The following MROH9 variants were observed in gnomAD, a reference collection of about 807,000 sequenced individuals.
The protein encoded by MROH9 is maestro heat-like repeat-containing protein family member 9.
In MROH9, 92 loss-of-function variants were observed where a neutral mutation model predicts 98.2. The observed-to-expected ratio is 0.94, with a 90% CI of 0.79 to 1.11. MROH9 has a LOEUF of 1.11. Among genes scored for constraint, MROH9 ranks in the 50% most tolerant of loss-of-function variants. MROH9 has a pLI of 0.00. For synonymous variants in MROH9, 397 were observed against 368.9 expected (o/e 1.08, Z -0.87); for missense variants, 1,057 against 1,014.8 (o/e 1.04, Z -0.57).
At chr1:171,020,104 T>A (rs1652468711) in intron 17 of MROH9, among the ~76,000 whole-genome samples, 1 of 152,166 alleles carries the variant, frequency 6.6e-6, no homozygotes, top group Admixed American at 6.5e-5. Flanking sequence ...TAACAAGTTC[T>A]GAAATTGTGG....
chr1:170,991,875 GTTC>G (rs1651369189), intron 11 of MROH9, among the ~76,000 whole-genome samples: 1 of 152,166 alleles, frequency 6.6e-6, no homozygotes, highest in Non-Finnish European at 1.5e-5. Flanking sequence ...AAGCTGATCA[GTTC>G]TTGACAGTGA....
chr1:171,005,107 CA>C (rs1651911837), intron 15 of MROH9, among the ~76,000 whole-genome samples: 1 of 152,000 alleles, frequency 6.6e-6, no homozygotes, highest in South Asian at 2.1e-4. Context: ...CTGTGTTTCC[CA>C]GGCTGGAGTG....
chr1:171,017,251 G>T (rs1652354364), intron 17 of MROH9, among the ~76,000 whole-genome samples: 1 of 152,178 alleles, frequency 6.6e-6, no homozygotes, highest in Admixed American at 6.5e-5. Flanking sequence ...AGGTATCCAG[G>T]TTCTGTCATC....
intron 10 of MROH9, among the ~76,000 whole-genome samples, chr1:170,989,104 T>C (rs1392216197): frequency 6.6e-6 from 1 of 152,212 alleles, no homozygotes; most frequent in Non-Finnish European, 1.5e-5. Context: ...TGCAGGGTAA[T>C]GTAAATTTGC....
intron 3 of MROH9, among the ~76,000 whole-genome samples, chr1:170,948,687 T>C (rs1390307546): frequency 6.6e-6 from 1 of 152,102 alleles, no homozygotes; most frequent in Non-Finnish European, 1.5e-5. Context: ...GAAACTGTTA[T>C]AAGCTATGAA....
chr1:170,952,128 A>T (rs1282262413), intron 3 of MROH9, among the ~76,000 whole-genome samples: 4 of 152,014 alleles, frequency 2.6e-5, no homozygotes, highest in African/African-American at 7.2e-5. Flanking sequence ...GTGGAGAAAT[A>T]GGAACACTTT....
intron 16 of MROH9, chr1:171,015,168 G>C: frequency 7.1e-6 from 3 of 419,788 alleles, no homozygotes; most frequent in Non-Finnish European, 9.7e-6. Context: ...GAGAACTGAA[G>C]CCTATCAGTG....
intron 15 of MROH9, among the ~76,000 whole-genome samples, chr1:171,002,891 A>T (rs1197149760): frequency 6.6e-6 from 1 of 152,114 alleles, no homozygotes; most frequent in East Asian, 1.9e-4. Flanking sequence ...AATACCAATT[A>T]TTCTTAGGTT....
intron 15 of MROH9, among the ~76,000 whole-genome samples, chr1:171,012,628 A>G (rs1052628185): frequency 2.7e-5 from 4 of 148,242 alleles, no homozygotes; most frequent in African/African-American, 1.0e-4. Flanking sequence ...TCAGCCTCCC[A>G]AGTAGCTGGG....
At chr1:171,004,931 T>C (rs1462031007) in intron 15 of MROH9, among the ~76,000 whole-genome samples, 1 of 152,206 alleles carries the variant, frequency 6.6e-6, no homozygotes, top group Non-Finnish European at 1.5e-5. Context: ...TTATTGTTTT[T>C]CAAGATTATT....
chr1:171,005,036 A>G (rs1019055170), intron 15 of MROH9, among the ~76,000 whole-genome samples: 1 of 151,710 alleles, frequency 6.6e-6, no homozygotes, highest in Non-Finnish European at 1.5e-5. Context: ...TGAAGATTAC[A>G]TTGAATGTGT....
At chr1:171,024,300 T>TA in intron 17 of MROH9, 95 bp from the exon 18 acceptor site, 1 of 638,108 alleles carries the variant, frequency 1.6e-6, no homozygotes, top group East Asian at 3.2e-5. Context: ...TATATTTATA[T>TA]GGGGTGTGTG....
rs1652651902 is a variant in MROH9, at chr1:171,024,744, G to A, written c.2157G>A (p.Val719=). 2.6e-6 allele frequency: 4 copies of A among 1,547,438 alleles called. No individual in the cohort carries two copies. Among genetic ancestry groups the A allele is most frequent in the Non-Finnish European group, 3.5e-6 (4 of 1,143,420 alleles). The change falls in exon 19 of 22, where the codon GTG becomes GTA. Residue 719 remains valine, a synonymous_variant. Transcript: ENST00000367759. ...AAAATTACAGTTTTGAGATGGTGGT[G>A]CTCAATATCTGTAACAATCTTGTAA... ...KDENYSFEMV[V]LNICNNLIIS...
chr1:171,006,118 G>T (rs982530899), intron 15 of MROH9, among the ~76,000 whole-genome samples: 1 of 152,092 alleles, frequency 6.6e-6, no homozygotes. Context: ...AGGTCTCATG[G>T]TTGTAAACTC....
intron 11 of MROH9, among the ~76,000 whole-genome samples, chr1:170,990,467 A>C (rs980701181): frequency 6.6e-6 from 1 of 152,200 alleles, no homozygotes; most frequent in Admixed American, 6.5e-5. Context: ...GTGTCCTTTA[A>C]CTATTAGACT....
chr1:170,960,467 G>T (rs891969458), intron 5 of MROH9, among the ~76,000 whole-genome samples: 3 of 152,096 alleles, frequency 2.0e-5, no homozygotes, highest in Non-Finnish European at 2.9e-5. Context: ...AATGCCCCAT[G>T]TTTATTAATG....
At chr1:170,962,009 T>C (rs1264009467) in intron 6 of MROH9, 33 bp downstream of exon 6, 2 of 1,236,002 alleles carry the variant, frequency 1.6e-6, no homozygotes, top group Non-Finnish European at 2.3e-6. Flanking sequence ...AATTTTCTTG[T>C]CATAAGTCTA....
At chr1:170,957,536 G>GT (rs910270772) in intron 3 of MROH9, among the ~76,000 whole-genome samples, 1 of 152,036 alleles carries the variant, frequency 6.6e-6, no homozygotes, top group African/African-American at 2.4e-5. Flanking sequence ...CTATGAGTCT[G>GT]TTTTTATAGC....
At chr1:171,034,738 G>A (rs1653040307) in intron 20 of MROH9, among the ~76,000 whole-genome samples, 1 of 151,920 alleles carries the variant, frequency 6.6e-6, no homozygotes, top group Non-Finnish European at 1.5e-5. Flanking sequence ...AATAGCAAAA[G>A]GCCAAGATAC....
Sources: allele counts gnomAD v4.1 joint callset (sites outside exome capture counted in the v4.1 genomes callset), GRCh38; gene constraint gnomAD v4.1.1; transcripts MANE v1.5; gene names NCBI Gene and HGNC (gene_info 2026-07-23, HGNC 2026-07-21).